MCPH1: variants seen among roughly 807,000 people sequenced by gnomAD.
The protein encoded by MCPH1 is microcephalin.
A neutral mutation model predicts 84.5 loss-of-function variants in MCPH1; 104 were observed. The ratio of observed to expected loss-of-function variants is 1.23; its 90% CI spans 1.05 to 1.45. MCPH1 has a LOEUF of 1.45. Ranked by LOEUF, MCPH1 falls within the 40% of genes most tolerant of loss-of-function variation. MCPH1 has a pLI of 0.00. For missense variants in MCPH1, 1,498 were observed against 1,005.7 expected (o/e 1.49, Z -6.62); for synonymous variants, 514 against 366.8 (o/e 1.40, Z -4.58).
At position 6,585,303 on chromosome 8, in the gene MCPH1, C is replaced by T. The variant is rs1430000270; in HGVS notation, c.2215-36151C>T. ...CGTGAAGCAGGATCCGTGCCCACCA[C>T]AGCAGTTGTCCCAGGAGTTTCCTGT... is the stretch of plus-strand genomic sequence containing the variant. On this transcript the variant is annotated intron_variant, in intron 12 of 13. Coordinates refer to ENST00000344683, the MANE Select transcript of MCPH1 (RefSeq NM_024596.5). Among the ~76,000 whole-genome samples the T allele has an allele frequency of 3.9e-5, 6 of 152,326 alleles. No individual in the cohort carries two copies. In the South Asian group the frequency reaches 6.2e-4, roughly 16 times the overall value.
At chr8:6,427,079 C>G (rs543484833) in intron 3 of MCPH1, among the ~76,000 whole-genome samples, 1 of 152,182 alleles carries the variant, frequency 6.6e-6, no homozygotes, top group African/African-American at 2.4e-5. Context: ...TAAACCTCTA[C>G]AGCATGTGCA....
chr8:6,433,825 G>C (rs1318419750), intron 4 of MCPH1, among the ~76,000 whole-genome samples: 1 of 151,778 alleles, frequency 6.6e-6, no homozygotes, highest in Non-Finnish European at 1.5e-5. Context: ...CCCGACTCAA[G>C]GCCTTATTCT....
rs147266380 is a variant in MCPH1 at position 6,416,936 on chromosome 8, G to A, written c.233+2053G>A. Among the ~76,000 whole-genome samples, 5 of 151,982 alleles carry A rather than the reference G, an allele frequency of 3.3e-5. No individual in the cohort carries two copies. The South Asian group carries it at 1.0e-3, about 32-fold the overall frequency. On this transcript the variant is annotated intron_variant, in intron 3 of 13. Coordinates refer to ENST00000344683, the MANE Select transcript of MCPH1 (RefSeq NM_024596.5). ...TTGAACCTGGGAGACGGAGGTTGCA[G>A]TGAACCAAGACCACGCCATTGCACT...
chr8:6,483,106 G>A (rs1221058790), intron 11 of MCPH1, among the ~76,000 whole-genome samples: 2 of 152,192 alleles, frequency 1.3e-5, no homozygotes, highest in Non-Finnish European at 2.9e-5. Context: ...TGAAACTTCA[G>A]TATAAAGCTA....
rs1009424146 is a variant in MCPH1 at position 6,470,645 on chromosome 8, CTCATGTT to C, written c.1936-6943_1936-6937del. On this transcript the variant is annotated intron_variant, in intron 9 of 13. Coordinates refer to ENST00000344683, the MANE Select transcript of MCPH1 (RefSeq NM_024596.5). ...TACATGCTTTATGCTTTTGCTGCCT[CTCATGTT>C]TCATGAATACAAGTAAACCCATGAG... is the stretch of plus-strand genomic sequence containing the variant. Among the ~76,000 whole-genome samples the C allele has an allele frequency of 3.6e-4, 55 of 152,342 alleles. 1 individual carries two copies. Among genetic ancestry groups the C allele is most frequent in the African/African-American group, 1.3e-3 (52 of 41,580 alleles).
chr8:6,567,658 G>C (rs1043231260), intron 12 of MCPH1, among the ~76,000 whole-genome samples: 2 of 152,170 alleles, frequency 1.3e-5, no homozygotes, highest in Non-Finnish European at 2.9e-5. Flanking sequence ...GAGCCAATGG[G>C]AGGCCCTTGA....
At chr8:6,421,981 T>C (rs560013244) in intron 3 of MCPH1, among the ~76,000 whole-genome samples, 27 of 152,354 alleles carry the variant, frequency 1.8e-4, no homozygotes, top group African/African-American at 4.1e-4. Context: ...ACATGTTGCA[T>C]TGCAAGGTCG....
chr8:6,433,075 C>T (rs1802075460), intron 4 of MCPH1, among the ~76,000 whole-genome samples: 1 of 152,136 alleles, frequency 6.6e-6, no homozygotes, highest in Non-Finnish European at 1.5e-5. Context: ...TGGTGAGTTG[C>T]CTTCTCTTCC....
chr8:6,570,800 G>GTTTTTTTTTTTTTTTTT (rs1463366406), intron 12 of MCPH1, among the ~76,000 whole-genome samples: 1 of 96,386 alleles, frequency 1.0e-5, no homozygotes. Flanking sequence ...CAGATGGATT[G>GTTTTTTTTTTTTTTTTT]TTGTTTTTTT....
intron 12 of MCPH1, among the ~76,000 whole-genome samples, chr8:6,565,700 G>A (rs948159241): frequency 6.6e-6 from 1 of 152,240 alleles, no homozygotes. Context: ...ACTGGGGATA[G>A]AGATTAAGGC....
chr8:6,497,514 G>C (rs749925444), intron 11 of MCPH1, among the ~76,000 whole-genome samples: 7 of 151,848 alleles, frequency 4.6e-5, no homozygotes, highest in Non-Finnish European at 8.8e-5. Flanking sequence ...AAATAGAAAA[G>C]GAAGTTGAAA....
At chr8:6,439,209 T>C in intron 6 of MCPH1, 113 bp downstream of exon 6, 2 of 1,093,072 alleles carry the variant, frequency 1.8e-6, no homozygotes, top group African/African-American at 3.2e-5. Flanking sequence ...GTAACACATT[T>C]TGACTTATTT....
At chr8:6,605,164 C>G (rs1463859596) in intron 12 of MCPH1, among the ~76,000 whole-genome samples, 1 of 152,146 alleles carries the variant, frequency 6.6e-6, no homozygotes, top group Non-Finnish European at 1.5e-5. Context: ...CCCAGCCCCG[C>G]TCTTGTTGGG....
intron 12 of MCPH1, among the ~76,000 whole-genome samples, chr8:6,601,182 C>G (rs753551711): frequency 1.7e-4 from 26 of 152,182 alleles, no homozygotes; most frequent in Non-Finnish European, 3.1e-4. Flanking sequence ...GGCAGCTGCA[C>G]TTTCCAGAGG....
At chr8:6,600,285 C>T (rs537632825) in intron 12 of MCPH1, among the ~76,000 whole-genome samples, 1 of 152,238 alleles carries the variant, frequency 6.6e-6, no homozygotes, top group African/African-American at 2.4e-5. Context: ...CAGGGGAGTG[C>T]AAGGGAGAGA....
chr8:6,614,569 C>T (rs530666587), intron 12 of MCPH1, among the ~76,000 whole-genome samples: 2 of 152,342 alleles, frequency 1.3e-5, no homozygotes, highest in East Asian at 3.9e-4. Context: ...AGGACATTAG[C>T]AAACACACAC....
intron 12 of MCPH1, among the ~76,000 whole-genome samples, chr8:6,595,868 G>T (rs1352513531): frequency 6.6e-6 from 1 of 152,186 alleles, no homozygotes; most frequent in African/African-American, 2.4e-5. Context: ...TACAGATGAC[G>T]AAGCATCAGA....
intron 12 of MCPH1, among the ~76,000 whole-genome samples, chr8:6,542,953 T>C (rs1821877851): frequency 6.6e-6 from 1 of 152,212 alleles, no homozygotes; most frequent in Admixed American, 6.5e-5. Context: ...TGCTGTCCTT[T>C]ATAAGGCCGG....
intron 12 of MCPH1, among the ~76,000 whole-genome samples, chr8:6,599,705 AT>A (rs1279054051): frequency 6.6e-6 from 1 of 152,136 alleles, no homozygotes; most frequent in Non-Finnish European, 1.5e-5. Flanking sequence ...TTTCCCCTTG[AT>A]TTACTTTTTA....
Sources: allele counts gnomAD v4.1 joint callset (sites outside exome capture counted in the v4.1 genomes callset), GRCh38; gene constraint gnomAD v4.1.1; transcripts MANE v1.5; gene names NCBI Gene and HGNC (gene_info 2026-07-23, HGNC 2026-07-21).